The following ENOX1 variants were observed in gnomAD, a reference collection of about 807,000 sequenced individuals.
ENOX1 encodes candidate growth-related and time keeping constitutive hydroquinone (NADH) oxidase.
Under a neutral mutation model 82.5 loss-of-function variants are expected in ENOX1, and 42 were observed. That is an observed-to-expected ratio of 0.51 (90% confidence interval 0.40 to 0.66). ENOX1 has a LOEUF of 0.66. Among genes scored for constraint, ENOX1 ranks in the 30% least tolerant of loss-of-function variants. The pLI is 0.00. For synonymous variants in ENOX1, 271 were observed against 282.2 expected, an observed-to-expected ratio of 0.96 and a Z score of 0.40; for missense variants, 608 against 811.6, an observed-to-expected ratio of 0.75 and a Z score of 3.05.
At chr13:43,247,202 G>A (rs1001360279) in intron 14 of ENOX1, among the ~76,000 whole-genome samples, 1 of 152,136 alleles carries the variant, frequency 6.6e-6, no homozygotes, top group Non-Finnish European at 1.5e-5. Context: ...TGTAATCCCA[G>A]CTACTTGGGA....
intron 2 of ENOX1, among the ~76,000 whole-genome samples, chr13:43,599,575 A>G (rs1375649763): frequency 2.6e-5 from 4 of 152,032 alleles, no homozygotes; most frequent in Admixed American, 2.6e-4. Context: ...ACAGATCTCA[A>G]TAAACTTGAA....
chr13:43,753,404 G>A (rs564860937), intron 1 of ENOX1, among the ~76,000 whole-genome samples: 1 of 152,246 alleles, frequency 6.6e-6, no homozygotes, highest in African/African-American at 2.4e-5. Context: ...GTATCCCTAA[G>A]TATTTCGTAT....
In ENOX1 at chr13:43,358,787, C is replaced by G. The variant is rs559400772; in HGVS notation, c.589+1064G>C. 2.2e-4 allele frequency among the ~76,000 whole-genome samples: 33 copies of G among 152,300 alleles called. 1 individual carries two copies. In the South Asian group the frequency reaches 6.8e-3, roughly 32 times the overall value. On this transcript the variant is annotated intron_variant, in intron 7 of 16. Transcript: ENST00000690772. ...CCCAGTGCCACAAACTCACCAGAAC[C>G]CCCGTTGTCTAACAGCGGATTGTGT...
chr13:43,737,503 T>C (rs2089690854), intron 1 of ENOX1, among the ~76,000 whole-genome samples: 2 of 152,214 alleles, frequency 1.3e-5, no homozygotes, highest in Admixed American at 1.3e-4. Flanking sequence ...TGCTTCTGTT[T>C]GGTTCAGACC....
intron 14 of ENOX1, among the ~76,000 whole-genome samples, chr13:43,251,179 T>C (rs1402274390): frequency 1.3e-5 from 2 of 152,222 alleles, no homozygotes; most frequent in Non-Finnish European, 2.9e-5. Flanking sequence ...AATTAAAACC[T>C]GTAAAATAAG....
chr13:43,715,735 AC>A (rs2088075511), intron 1 of ENOX1, among the ~76,000 whole-genome samples: 1 of 151,990 alleles, frequency 6.6e-6, no homozygotes, highest in Non-Finnish European at 1.5e-5. Context: ...CATCACTGAT[AC>A]CCTTTCTTCC....
At chr13:43,445,443 T>A (rs78021549) in intron 3 of ENOX1, among the ~76,000 whole-genome samples, 4,030 of 152,162 alleles carry the variant, frequency 0.026, 186 homozygotes, top group African/African-American at 0.091. Context: ...GTCTTATACA[T>A]TTCTTTTTTT....
intron 2 of ENOX1, among the ~76,000 whole-genome samples, chr13:43,514,573 T>C (rs1194337854): frequency 6.6e-6 from 1 of 151,976 alleles, no homozygotes; most frequent in African/African-American, 2.4e-5. Context: ...TTCCTCTGTT[T>C]CCTCCCCACC....
chr13:43,366,978 A>C (rs1287274865), intron 5 of ENOX1, among the ~76,000 whole-genome samples: 3 of 149,238 alleles, frequency 2.0e-5, no homozygotes, highest in Non-Finnish European at 4.4e-5. Flanking sequence ...AACCTTATAT[A>C]AATATGTTAG....
At chr13:43,475,795 A>G (rs1219797015) in intron 3 of ENOX1, among the ~76,000 whole-genome samples, 11 of 7,264 alleles carry the variant, frequency 1.5e-3, no homozygotes, top group African/African-American at 4.7e-3. Context: ...ATAACTGACC[A>G]AAAAAAAAAA....
intron 2 of ENOX1, among the ~76,000 whole-genome samples, chr13:43,643,065 C>T (rs1197061225): frequency 6.6e-6 from 1 of 152,112 alleles, no homozygotes; most frequent in Non-Finnish European, 1.5e-5. Flanking sequence ...TAACTCAAAA[C>T]ATTTTTTATT....
chr13:43,222,041 C>G (rs2041817165), intron 16 of ENOX1, among the ~76,000 whole-genome samples: 1 of 152,198 alleles, frequency 6.6e-6, no homozygotes, highest in Non-Finnish European at 1.5e-5. Context: ...GCGTTTCATT[C>G]AGAAGATGGA....
intron 2 of ENOX1, among the ~76,000 whole-genome samples, chr13:43,655,274 A>T (rs1373447935): frequency 1.3e-5 from 2 of 152,154 alleles, no homozygotes; most frequent in African/African-American, 4.8e-5. Flanking sequence ...CCATTCCATG[A>T]TTTTTAAGCT....
intron 13 of ENOX1, among the ~76,000 whole-genome samples, chr13:43,265,790 T>C (rs1160919279): frequency 1.3e-5 from 2 of 152,256 alleles, no homozygotes; most frequent in African/African-American, 4.8e-5. Flanking sequence ...TTGCTATTAA[T>C]TTAAACCCTG....
intron 2 of ENOX1, among the ~76,000 whole-genome samples, chr13:43,580,302 T>G (rs1483514632): frequency 1.3e-5 from 2 of 152,236 alleles, no homozygotes; most frequent in Non-Finnish European, 2.9e-5. Flanking sequence ...CAAAGTTAGT[T>G]GACACTCAGC....
intron 5 of ENOX1, among the ~76,000 whole-genome samples, chr13:43,387,922 G>T (rs565952589): frequency 6.6e-6 from 1 of 152,176 alleles, no homozygotes; most frequent in East Asian, 1.9e-4. Flanking sequence ...AGGTAAAATT[G>T]GATATTAATG....
At chr13:43,600,705 G>A (rs949792857) in intron 2 of ENOX1, among the ~76,000 whole-genome samples, 21 of 152,054 alleles carry the variant, frequency 1.4e-4, no homozygotes, top group African/African-American at 4.6e-4. Context: ...ACTGGTTACC[G>A]CAGGCCTTCG....
chr13:43,643,656 CATAT>C (rs922054314), intron 2 of ENOX1, among the ~76,000 whole-genome samples: 1 of 150,296 alleles, frequency 6.7e-6, no homozygotes, highest in African/African-American at 2.4e-5. Context: ...TATACACACA[CATAT>C]ATATATACAT....
intron 11 of ENOX1, among the ~76,000 whole-genome samples, chr13:43,314,183 G>A (rs545521046): frequency 6.6e-6 from 1 of 152,224 alleles, no homozygotes; most frequent in South Asian, 2.1e-4. Flanking sequence ...CTGAGCTCTT[G>A]CTCCCTCTTT....
Sources: allele counts gnomAD v4.1 joint callset (sites outside exome capture counted in the v4.1 genomes callset), GRCh38; gene constraint gnomAD v4.1.1; transcripts MANE v1.5; gene names NCBI Gene and HGNC (gene_info 2026-07-23, HGNC 2026-07-21).